CCSER1: variants seen among roughly 807,000 people sequenced by gnomAD.
The protein encoded by CCSER1 is coiled-coil serine rich protein 1, also known as serine-rich coiled-coil domain-containing protein 1.
A neutral mutation model predicts 82.0 loss-of-function variants in CCSER1; 41 were observed. The ratio of observed to expected loss-of-function variants is 0.50; its 90% CI spans 0.39 to 0.65. The LOEUF is 0.65. Ranked by LOEUF, CCSER1 falls within the 30% of genes least tolerant of loss-of-function variation. The pLI is 0.00. For synonymous variants in CCSER1, 414 were observed against 383.9 expected (o/e 1.08, Z -0.92); for missense variants, 1,119 against 1,064.2 (o/e 1.05, Z -0.72).
intron 10 of CCSER1, among the ~76,000 whole-genome samples, chr4:91,230,426 G>A (rs1738531193): frequency 6.6e-6 from 1 of 151,840 alleles, no homozygotes. Context: ...TAGATGTAAG[G>A]TCGACACTAA....
At chr4:90,699,405 C>T (rs555412583) in intron 6 of CCSER1, among the ~76,000 whole-genome samples, 1 of 152,200 alleles carries the variant, frequency 6.6e-6, no homozygotes, top group East Asian at 1.9e-4. Flanking sequence ...GTGAAGGTTA[C>T]AGTGAGTCAG....
chr4:90,709,530 C>G (rs1300305742), intron 6 of CCSER1, among the ~76,000 whole-genome samples: 2 of 152,094 alleles, frequency 1.3e-5, no homozygotes, highest in Non-Finnish European at 2.9e-5. Context: ...TGAGAATATA[C>G]AGTATTTGGT....
At chr4:90,490,489 G>T (rs559586446) in intron 5 of CCSER1, among the ~76,000 whole-genome samples, 1 of 152,134 alleles carries the variant, frequency 6.6e-6, no homozygotes, top group Non-Finnish European at 1.5e-5. Context: ...TCATTCTGAT[G>T]GTAGTTTCCT....
At chr4:91,568,471 T>C (rs1288267292) in intron 10 of CCSER1, among the ~76,000 whole-genome samples, 4 of 152,206 alleles carry the variant, frequency 2.6e-5, no homozygotes, top group African/African-American at 9.6e-5. Flanking sequence ...TACCCTTTCC[T>C]TTCTGGGAAG....
intron 10 of CCSER1, among the ~76,000 whole-genome samples, chr4:91,164,549 C>T (rs779781954): frequency 8.5e-5 from 13 of 152,220 alleles, no homozygotes; most frequent in East Asian, 3.9e-4. Context: ...CCATTCTCCC[C>T]GTCACTTTGA....
At chr4:90,276,333 CTTTCTTCTTTCTTTCTT>C in intron 1 of CCSER1, among the ~76,000 whole-genome samples, 1 of 124,840 alleles carries the variant, frequency 8.0e-6, no homozygotes, top group African/African-American at 3.2e-5. Context: ...TTCTTTCTTT[CTTTCTTCTTTCTTTCTT>C]TTTTTTTTTT....
intron 4 of CCSER1, among the ~76,000 whole-genome samples, chr4:90,442,484 A>G (rs954253881): frequency 3.9e-5 from 6 of 152,222 alleles, no homozygotes; most frequent in African/African-American, 1.4e-4. Context: ...GAGTGCCTCA[A>G]GAGGAGAAGT....
chr4:91,290,688 A>G (rs1305400725), intron 10 of CCSER1, among the ~76,000 whole-genome samples: 1 of 152,010 alleles, frequency 6.6e-6, no homozygotes, highest in Non-Finnish European at 1.5e-5. Flanking sequence ...CAAAATTAAC[A>G]TATTCTTTTT....
intron 10 of CCSER1, among the ~76,000 whole-genome samples, chr4:91,102,900 C>G (rs899951214): frequency 6.6e-6 from 1 of 152,108 alleles, no homozygotes; most frequent in African/African-American, 2.4e-5. Flanking sequence ...AAGCTAATTG[C>G]CACCTCAAAA....
intron 9 of CCSER1, among the ~76,000 whole-genome samples, chr4:91,021,532 A>C (rs921907097): frequency 6.6e-5 from 10 of 152,220 alleles, no homozygotes; most frequent in African/African-American, 2.4e-4. Flanking sequence ...TTTATAAAAC[A>C]AGATGAGTCA....
chr4:91,179,371 C>T (rs892705377), intron 10 of CCSER1, among the ~76,000 whole-genome samples: 2 of 152,172 alleles, frequency 1.3e-5, no homozygotes, highest in Admixed American at 6.5e-5. Flanking sequence ...TGGGGAAGTT[C>T]TCATGGATAA....
chr4:91,381,363 C>T (rs1241480305), intron 10 of CCSER1, among the ~76,000 whole-genome samples: 1 of 152,176 alleles, frequency 6.6e-6, no homozygotes, highest in African/African-American at 2.4e-5. Context: ...GTTCCATTCT[C>T]CCCGTCACTT....
At chr4:90,333,348 G>A (rs900466088) in intron 3 of CCSER1, among the ~76,000 whole-genome samples, 1 of 151,892 alleles carries the variant, frequency 6.6e-6, no homozygotes, top group Non-Finnish European at 1.5e-5. Context: ...ATGAATTGTG[G>A]AAAAGAACAT....
At chr4:90,485,350 C>T (rs568916011) in intron 5 of CCSER1, among the ~76,000 whole-genome samples, 68 of 152,318 alleles carry the variant, frequency 4.5e-4, no homozygotes, top group Non-Finnish European at 8.5e-4. Context: ...CGCTCTGCTT[C>T]GGTTCACGCA....
intron 10 of CCSER1, among the ~76,000 whole-genome samples, chr4:91,126,243 C>A (rs1234601608): frequency 6.6e-6 from 1 of 151,768 alleles, no homozygotes; most frequent in African/African-American, 2.4e-5. Context: ...GAGTAGGAGG[C>A]TACTTTTCAA....
rs1224141214 is a variant in CCSER1 at position 91,601,592 on chromosome 4, T to C, written c.*2535T>C. 1 of 152,004 alleles carries C rather than the reference T, an allele frequency of 6.6e-6. No homozygotes were observed. Among genetic ancestry groups the C allele is most frequent in the Non-Finnish European group, 1.5e-5 (1 of 67,914 alleles). The allele number at this position is 152,004 out of a possible 1,614,324, so 9.4% of individuals were successfully genotyped here. A position where few individuals can be genotyped will look rare whatever the true frequency, so the allele number is the denominator to read the frequency against. ...CTTTCTTTGTACTAAAATCTCTAGTTTTCTAAGACAGTTCCATGTATAAAA... is the reference window on the plus strand; with the variant it reads ...CTTTCTTTGTACTAAAATCTCTAGTCTTCTAAGACAGTTCCATGTATAAAA... On this transcript the variant is annotated 3_prime_UTR_variant, in exon 11 of 11. Transcript: ENST00000509176.
Position 90,537,707 on chromosome 4 carries a change from C to T in CCSER1, c.1724+69353C>T, listed in dbSNP as rs764707362. On this transcript the variant is annotated intron_variant, in intron 5 of 10. Coordinates refer to ENST00000509176, the MANE Select transcript of CCSER1 (RefSeq NM_001145065.2). ...ACAGCTGTGTAAGGACTTTTCTTCA[C>T]TTTTATCTACTGGGGTTTTATACAA... Among the ~76,000 whole-genome samples the T allele has an allele frequency of 3.9e-5, 6 of 152,228 alleles. No individual in the cohort carries two copies. The South Asian group carries it at 8.3e-4, about 21-fold the overall frequency.
At chr4:90,942,533 T>A (rs978064927) in intron 9 of CCSER1, among the ~76,000 whole-genome samples, 5 of 152,126 alleles carry the variant, frequency 3.3e-5, no homozygotes, top group Non-Finnish European at 7.3e-5. Context: ...TAATAAAATA[T>A]TTTCTGGCTA....
chr4:90,230,273 C>G (rs946587090), intron 1 of CCSER1, among the ~76,000 whole-genome samples: 11 of 152,082 alleles, frequency 7.2e-5, no homozygotes, highest in Admixed American at 6.5e-4. Context: ...CAAACTGTCT[C>G]TCAGACCACA....
Sources: allele counts gnomAD v4.1 joint callset (sites outside exome capture counted in the v4.1 genomes callset), GRCh38; gene constraint gnomAD v4.1.1; transcripts MANE v1.5; gene names NCBI Gene and HGNC (gene_info 2026-07-23, HGNC 2026-07-21).